Variants in PERP observed in about 807,000 individuals in gnomAD.
PERP encodes the protein p53 apoptosis effector related to PMP-22.
A neutral mutation model predicts 20.3 loss-of-function variants in PERP; 11 were observed. The ratio of observed to expected loss-of-function variants is 0.54; its 90% CI spans 0.34 to 0.90. The LOEUF is 0.90. PERP is among the 40% of genes least tolerant of loss of function. The pLI is 0.02. For synonymous variants in PERP, 101 were observed against 102.0 expected, an observed-to-expected ratio of 0.99 and a Z score of 0.06; for missense variants, 224 against 249.4, an observed-to-expected ratio of 0.90 and a Z score of 0.69.
rs1775531852 is a variant in PERP, at chr6:138,088,779, C to T, written c.*3263G>A. The T allele has an allele frequency of 2.0e-5, 3 of 152,160 alleles. No individual in the cohort carries two copies. The highest frequency in any genetic ancestry group is 6.6e-5 in the Admixed American group (1 of 15,266). 9.4% of individuals were successfully genotyped at this position (152,160 alleles called of 1,614,324 possible). On this transcript the variant is annotated 3_prime_UTR_variant, in exon 3 of 3. Coordinates refer to ENST00000421351, the MANE Select transcript of PERP (RefSeq NM_022121.5). ...CTCACCTAAAAATGGTCTCAAAAAG[C>T]AAAGGGCTCTGACCATCGACTGATG...
chr6:138,095,263 CTT>C (rs928052386), intron 2 of PERP, among the ~76,000 whole-genome samples: 1 of 152,110 alleles, frequency 6.6e-6, no homozygotes, highest in Non-Finnish European at 1.5e-5. Flanking sequence ...GGATCAGAAA[CTT>C]TATTTTTAAT....
At chr6:138,102,351 G>A (rs777583241) in intron 1 of PERP, among the ~76,000 whole-genome samples, 4 of 152,334 alleles carry the variant, frequency 2.6e-5, no homozygotes, top group Admixed American at 6.5e-5. Flanking sequence ...ATTTGAACAT[G>A]TGTCAATGAA....
chr6:138,094,620 T>C (rs1775648257), intron 2 of PERP, among the ~76,000 whole-genome samples: 1 of 152,246 alleles, frequency 6.6e-6, no homozygotes, highest in Admixed American at 6.5e-5. Flanking sequence ...CTTCAAGTTC[T>C]TGTTTTTAAT....
intron 1 of PERP, among the ~76,000 whole-genome samples, chr6:138,102,692 G>A (rs1775791479): frequency 6.6e-6 from 1 of 152,108 alleles, no homozygotes; most frequent in Admixed American, 6.6e-5. Flanking sequence ...GGTCTTAAAC[G>A]TTCTAGATGT....
At chr6:138,100,890 A>G (rs1266227678) in intron 1 of PERP, among the ~76,000 whole-genome samples, 3 of 152,188 alleles carry the variant, frequency 2.0e-5, no homozygotes, top group East Asian at 3.8e-4. Flanking sequence ...TAAATCAAGA[A>G]CACGGAAACC....
chr6:138,100,194 T>G (rs191704428), intron 1 of PERP, among the ~76,000 whole-genome samples: 4 of 152,334 alleles, frequency 2.6e-5, no homozygotes, highest in Non-Finnish European at 1.5e-5. Context: ...AGAAGGAGCC[T>G]TTCAGATGTA....
chr6:138,091,887 T>TA lies in PERP; in HGVS notation c.*154dup. 6.2e-6 allele frequency: 4 copies of TA among 645,480 alleles called. No homozygotes were observed. The South Asian group carries it at 8.4e-5, about 14-fold the overall frequency. The allele number at this position is 645,480 out of a possible 1,614,324, so 40.0% of individuals were successfully genotyped here. ...ATAAACATGAAACTATAACACTACT[T>TA]AAAAAATATTTTCTCCCAAATTATT... On this transcript the variant is annotated 3_prime_UTR_variant, in exon 3 of 3. Transcript: ENST00000421351.
rs1775696637 is a variant in PERP at position 138,096,508 on chromosome 6, A to T, written c.215-14T>A. 3 of 1,601,898 alleles carry T rather than the reference A, an allele frequency of 1.9e-6. No individual in the cohort carries two copies. In the Admixed American group the frequency reaches 5.2e-5, roughly 28 times the overall value. ...CTCTACCCCACGCTGCAAGAAAAAA[A>T]GAAACAGCAATTAACAAGACAGACA... On this transcript the variant is annotated splice_polypyrimidine_tract_variant and intron_variant, in intron 1 of 2. Coordinates refer to ENST00000421351, the MANE Select transcript of PERP (RefSeq NM_022121.5).
At chr6:138,102,500 C>G (rs1775789581) in intron 1 of PERP, among the ~76,000 whole-genome samples, 1 of 152,128 alleles carries the variant, frequency 6.6e-6, no homozygotes, top group Non-Finnish European at 1.5e-5. Flanking sequence ...TGGGTGCAGG[C>G]TTTGGTGAAA....
intron 1 of PERP, among the ~76,000 whole-genome samples, chr6:138,099,399 A>C (rs1269391383): frequency 1.3e-5 from 2 of 152,212 alleles, no homozygotes; most frequent in Non-Finnish European, 2.9e-5. Flanking sequence ...TAGTTAAATC[A>C]AATAAGCAAA....
At chr6:138,102,765 G>T (rs1214749132) in intron 1 of PERP, among the ~76,000 whole-genome samples, 1 of 152,028 alleles carries the variant, frequency 6.6e-6, no homozygotes, top group Non-Finnish European at 1.5e-5. Context: ...TTTATTTTTT[G>T]CTGTGTAAGA....
chr6:138,104,956 G>T (rs1421973152), intron 1 of PERP, among the ~76,000 whole-genome samples: 1 of 151,928 alleles, frequency 6.6e-6, no homozygotes, highest in Non-Finnish European at 1.5e-5. Context: ...TTCTACAATT[G>T]TGAGGCAAAA....
chr6:138,105,323 T>C (rs966259177), intron 1 of PERP, among the ~76,000 whole-genome samples: 1 of 152,216 alleles, frequency 6.6e-6, no homozygotes, highest in Non-Finnish European at 1.5e-5. Flanking sequence ...TTATAAACTA[T>C]ACACTGGTTA....
rs773920392 is a variant in PERP, at chr6:138,107,114, G to T, written c.214+13C>A. On this transcript the variant is annotated intron_variant, in intron 1 of 2. Transcript: ENST00000421351. The surrounding 1 kb of genome is among the most constrained non-coding windows in gnomAD (Gnocchi z 4.8). ...TCCTGGAGGCGGCGACGGCGGCGGCGGCGGGCACTCACCGTACTCCATGAG... is the reference window on the plus strand; with the variant it reads ...TCCTGGAGGCGGCGACGGCGGCGGCTGCGGGCACTCACCGTACTCCATGAG... 2 of 1,581,262 alleles carry T rather than the reference G, an allele frequency of 1.3e-6. No homozygotes were observed. Among genetic ancestry groups the T allele is most frequent in the Non-Finnish European group, 8.6e-7 (1 of 1,164,272 alleles).
chr6:138,100,054 G>C (rs546384827), intron 1 of PERP, among the ~76,000 whole-genome samples: 1 of 152,232 alleles, frequency 6.6e-6, no homozygotes, highest in South Asian at 2.1e-4. Context: ...AGAAAACTTG[G>C]CACAGTTCTA....
At chr6:138,102,771 T>C (rs1014580976) in intron 1 of PERP, among the ~76,000 whole-genome samples, 1 of 152,180 alleles carries the variant, frequency 6.6e-6, no homozygotes, top group Non-Finnish European at 1.5e-5. Context: ...TTTTGCTGTG[T>C]AAGAACTTGA....
chr6:138,107,362 G>C lies in PERP; in HGVS notation c.-22C>G. The C allele has an allele frequency of 6.9e-7, 1 of 1,456,016 alleles. No individual in the cohort carries two copies. Among genetic ancestry groups the C allele is most frequent in the Non-Finnish European group, 9.1e-7 (1 of 1,103,212 alleles). The allele number at this position is 1,456,016 out of a possible 1,614,324, so 90.2% of individuals were successfully genotyped here. A position where few individuals can be genotyped will look rare whatever the true frequency, so the allele number is the denominator to read the frequency against. ...TCATGTTGACGGGCGGCGCGGGGCC[G>C]AGCGGAGCGGAGCGGAGCGGGTCGG... is the stretch of plus-strand genomic sequence containing the variant. On this transcript the variant is annotated 5_prime_UTR_variant, in exon 1 of 3. Transcript: ENST00000421351. This position sits in a 1 kb window ranked among gnomAD's most constrained non-coding sequence, Gnocchi z 4.8.
intron 1 of PERP, among the ~76,000 whole-genome samples, chr6:138,105,035 C>T (rs986311036): frequency 4.6e-5 from 7 of 152,216 alleles, no homozygotes; most frequent in African/African-American, 9.7e-5. Context: ...TTGGCTACAA[C>T]GGCCAGAGGT....
intron 1 of PERP, among the ~76,000 whole-genome samples, chr6:138,098,855 T>C (rs902327235): frequency 1.3e-5 from 2 of 152,218 alleles, no homozygotes; most frequent in Admixed American, 1.3e-4. Flanking sequence ...TTTATTACTT[T>C]CCTCCAAATC....
Sources: allele counts gnomAD v4.1 joint callset (sites outside exome capture counted in the v4.1 genomes callset), GRCh38; gene constraint gnomAD v4.1.1; non-coding constraint Gnocchi (gnomAD v3.1); transcripts MANE v1.5; gene names NCBI Gene and HGNC (gene_info 2026-07-23, HGNC 2026-07-21).